SPOPL: variants seen among roughly 807,000 people sequenced by gnomAD.
SPOPL encodes the protein speckle type BTB/POZ protein like, also known as speckle-type POZ protein-like.
SPOPL carries 23 observed loss-of-function variants against 53.8 expected under a neutral mutation model. The observed-to-expected ratio is 0.43, with a 90% confidence interval of 0.31 to 0.61. The LOEUF (loss-of-function observed/expected upper bound fraction) is 0.61. Ranked by LOEUF, SPOPL falls within the 20% of genes least tolerant of loss-of-function variation. The pLI is 0.12. For synonymous variants in SPOPL, 164 were observed against 149.7 expected (o/e 1.10, Z -0.70); for missense variants, 442 against 466.9 (o/e 0.95, Z 0.49).
chr2:138,529,122 C>G (rs1258129926), intron 1 of SPOPL, among the ~76,000 whole-genome samples: 1 of 152,074 alleles, frequency 6.6e-6, no homozygotes, highest in African/African-American at 2.4e-5. Context: ...CAAAATAGTT[C>G]TCTTTGTAAT....
chr2:138,548,518 C>G (rs568637291), intron 1 of SPOPL, among the ~76,000 whole-genome samples: 26 of 151,852 alleles, frequency 1.7e-4, no homozygotes, highest in African/African-American at 3.6e-4. Context: ...ATGAGAGTGC[C>G]TCTCCTCTTA....
intron 5 of SPOPL, 90 bp from the exon 6 acceptor site, chr2:138,558,932 G>T: frequency 1.8e-6 from 2 of 1,101,400 alleles, no homozygotes; most frequent in Non-Finnish European, 1.2e-6. Context: ...ATCCAAATAA[G>T]CTTAAACATA....
chr2:138,524,163 C>T (rs1285051904), intron 1 of SPOPL, among the ~76,000 whole-genome samples: 6 of 152,218 alleles, frequency 3.9e-5, no homozygotes, highest in African/African-American at 1.4e-4. Flanking sequence ...CACCTGCAGG[C>T]TCAACACCAC....
chr2:138,562,233 GAAT>G (rs1381007135), intron 8 of SPOPL, among the ~76,000 whole-genome samples: 2 of 150,814 alleles, frequency 1.3e-5, no homozygotes, highest in South Asian at 2.1e-4. Flanking sequence ...GGGAAAAAAA[GAAT>G]AAAGTAGAGG....
chr2:138,568,327 G>A (rs1049149441), intron 10 of SPOPL, among the ~76,000 whole-genome samples: 1 of 152,092 alleles, frequency 6.6e-6, no homozygotes, highest in African/African-American at 2.4e-5. Flanking sequence ...CTGGATGATG[G>A]TGGAAGCTTT....
At chr2:138,514,633 C>T (rs1030239939) in intron 1 of SPOPL, among the ~76,000 whole-genome samples, 1 of 152,050 alleles carries the variant, frequency 6.6e-6, no homozygotes, top group Non-Finnish European at 1.5e-5. Context: ...AGTTTGGGGC[C>T]GTCATGAATA....
chr2:138,562,401 G>A (rs2104903713), intron 8 of SPOPL, among the ~76,000 whole-genome samples: 1 of 152,226 alleles, frequency 6.6e-6, no homozygotes, highest in Non-Finnish European at 1.5e-5. Flanking sequence ...TGACAAAAGT[G>A]CAAAGACAGT....
At chr2:138,561,640 A>G (rs529306800) in intron 8 of SPOPL, among the ~76,000 whole-genome samples, 8 of 152,350 alleles carry the variant, frequency 5.3e-5, no homozygotes, top group Non-Finnish European at 1.0e-4. Flanking sequence ...ACAACTGCAC[A>G]TGAATCTATG....
rs1469187908 is a variant in SPOPL at position 138,559,279 on chromosome 2, C to T, written c.659-3C>T. 3 of 1,612,792 alleles carry T rather than the reference C, an allele frequency of 1.9e-6. No homozygotes were observed. The highest frequency in any genetic ancestry group is 1.6e-4 in the Middle Eastern group (1 of 6,074). The stretch of plus-strand genomic sequence containing the variant: ...AAAATAATGATACATAATCTTGTTA[C>T]AGCTCGATCTCCAGTTTTTAACGCC... On this transcript the variant is annotated splice_region_variant and splice_polypyrimidine_tract_variant and intron_variant, in intron 6 of 10. Transcript: ENST00000280098.
intron 1 of SPOPL, among the ~76,000 whole-genome samples, chr2:138,532,420 C>CTTTTTTTTT (rs769229731): frequency 1.9e-5 from 1 of 53,222 alleles, no homozygotes; most frequent in African/African-American, 7.2e-5. Context: ...TTTTTGTTCG[C>CTTTTTTTTT]TTTTTTTTTT....
chr2:138,546,275 T>A (rs1303282269), intron 1 of SPOPL, among the ~76,000 whole-genome samples: 2 of 152,184 alleles, frequency 1.3e-5, no homozygotes, highest in Non-Finnish European at 2.9e-5. Context: ...GTTTATATGA[T>A]GGAATAGGGG....
At chr2:138,528,430 A>G (rs1392997159) in intron 1 of SPOPL, among the ~76,000 whole-genome samples, 2 of 152,194 alleles carry the variant, frequency 1.3e-5, no homozygotes, top group Non-Finnish European at 2.9e-5. Flanking sequence ...TTGAATTTTT[A>G]AAAATGTCTG....
At chr2:138,550,384 ATTAGAAGTG>A in intron 2 of SPOPL, 90 bp downstream of exon 2, 1 of 1,584,578 alleles carries the variant, frequency 6.3e-7, no homozygotes, top group Non-Finnish European at 8.7e-7. Context: ...TGCCATAGTT[ATTAGAAGTG>A]TTAGAAGACT....
chr2:138,543,986 G>A (rs968060562), intron 1 of SPOPL, among the ~76,000 whole-genome samples: 11 of 152,184 alleles, frequency 7.2e-5, no homozygotes, highest in Non-Finnish European at 1.3e-4. Context: ...GTTGGAGTTT[G>A]CTGGAGGTCC....
At position 138,550,929 on chromosome 2, in the gene SPOPL, T is replaced by C; in HGVS notation, c.227T>C (p.Leu76Ser). 6.2e-7 allele frequency: 1 copy of C among 1,612,990 alleles called. No homozygotes were observed. Among genetic ancestry groups the C allele is most frequent in the South Asian group, 1.1e-5 (1 of 90,958 alleles). Residue 76 changes from leucine (L) to serine (S), a missense_variant, in exon 4 of 11, where the codon TTA becomes TCA. Leu to Ser is a moderately radical substitution (Grantham distance 145). Transcript: ENST00000280098. ...TGCCTGAGGGTAAACCCAAAGGGAT[T>C]AGATGATGAAAGTAAAGACTACTTG... The part of the protein sequence containing the change: ...KWCLRVNPKG[L>S]DDESKDYLSL...
intron 1 of SPOPL, among the ~76,000 whole-genome samples, chr2:138,510,194 G>A (rs1684297578): frequency 6.6e-6 from 1 of 152,170 alleles, no homozygotes; most frequent in African/African-American, 2.4e-5. Context: ...CCTTATGCAG[G>A]TTTTTGTGTA....
At chr2:138,512,515 A>G (rs1432065459) in intron 1 of SPOPL, among the ~76,000 whole-genome samples, 1 of 152,222 alleles carries the variant, frequency 6.6e-6, no homozygotes, top group Admixed American at 6.5e-5. Context: ...GTATAGAGGA[A>G]AGATAATACC....
At chr2:138,509,321 A>G (rs1216187792) in intron 1 of SPOPL, among the ~76,000 whole-genome samples, 1 of 152,190 alleles carries the variant, frequency 6.6e-6, no homozygotes, top group African/African-American at 2.4e-5. Flanking sequence ...GTTAACAATT[A>G]AAAACAAAGA....
chr2:138,539,639 T>A (rs185312472), intron 1 of SPOPL, among the ~76,000 whole-genome samples: 1 of 152,344 alleles, frequency 6.6e-6, no homozygotes, highest in Admixed American at 6.5e-5. Context: ...CTTTGTAGAT[T>A]CTGAATATTA....
Sources: allele counts gnomAD v4.1 joint callset (sites outside exome capture counted in the v4.1 genomes callset), GRCh38; gene constraint gnomAD v4.1.1; transcripts MANE v1.5; gene names NCBI Gene and HGNC (gene_info 2026-07-23, HGNC 2026-07-21).